Variants in KCNQ3 observed in about 807,000 individuals in gnomAD.
KCNQ3 encodes potassium voltage-gated channel subfamily KQT member 3.
A neutral mutation model predicts 92.5 loss-of-function variants in KCNQ3; 30 were observed. The observed-to-expected ratio is 0.32, with a 90% CI of 0.24 to 0.44. The LOEUF (loss-of-function observed/expected upper bound fraction) is 0.44. KCNQ3 is among the 20% of genes least tolerant of loss of function. The pLI is 1.00. For synonymous variants in KCNQ3, 450 were observed against 468.8 expected (o/e 0.96, Z 0.52); for missense variants, 913 against 1,140.3 (o/e 0.80, Z 2.87).
At chr8:132,268,055 T>C (rs1414765099) in intron 1 of KCNQ3, among the ~76,000 whole-genome samples, 2 of 152,152 alleles carry the variant, frequency 1.3e-5, no homozygotes, top group Non-Finnish European at 2.9e-5. Flanking sequence ...AGAGTAGATA[T>C]ATTGATCTAA....
At chr8:132,284,877 T>A (rs1447952572) in intron 1 of KCNQ3, among the ~76,000 whole-genome samples, 1 of 152,356 alleles carries the variant, frequency 6.6e-6, no homozygotes, top group Non-Finnish European at 1.5e-5. Context: ...TTAATTCCCA[T>A]GAGGGTGAGC....
chr8:132,457,697 G>A (rs1164724584), intron 1 of KCNQ3, among the ~76,000 whole-genome samples: 2 of 152,144 alleles, frequency 1.3e-5, no homozygotes, highest in African/African-American at 4.8e-5. Context: ...TTCAGCCTGT[G>A]TACCAATCTG....
In KCNQ3 at chr8:132,356,784, T is replaced by G. The variant is rs138571140; in HGVS notation, c.386+123363A>C. 1.8e-3 allele frequency among the ~76,000 whole-genome samples: 277 copies of G among 152,286 alleles called. 1 individual carries two copies. The highest frequency in any genetic ancestry group is 6.4e-3 in the African/African-American group (264 of 41,574). ...ATAAATATTCATTGAGTTGATTTTG[T>G]TGAGTGATGGCCCAGGAATGGGATG... On this transcript the variant is annotated intron_variant, in intron 1 of 14. Transcript: ENST00000388996.
intron 1 of KCNQ3, among the ~76,000 whole-genome samples, chr8:132,338,254 G>C (rs1279318053): frequency 6.6e-6 from 1 of 152,194 alleles, no homozygotes; most frequent in Non-Finnish European, 1.5e-5. Context: ...TCACACATTA[G>C]TGTGTAAAGG....
At chr8:132,405,245 T>C (rs1031123504) in intron 1 of KCNQ3, among the ~76,000 whole-genome samples, 2 of 152,132 alleles carry the variant, frequency 1.3e-5, no homozygotes, top group Admixed American at 6.5e-5. Context: ...AGGTGACAGG[T>C]CCCACTATAA....
chr8:132,298,391 G>A (rs1170614238), intron 1 of KCNQ3, among the ~76,000 whole-genome samples: 1 of 152,164 alleles, frequency 6.6e-6, no homozygotes, highest in Non-Finnish European at 1.5e-5. Flanking sequence ...AGGTAGGGTG[G>A]GGGTCCTTAA....
At chr8:132,209,615 TTTATAA>T (rs1813789838) in intron 1 of KCNQ3, among the ~76,000 whole-genome samples, 1 of 152,134 alleles carries the variant, frequency 6.6e-6, no homozygotes. Flanking sequence ...ATTTTTTTAC[TTTATAA>T]TTATGTGAAA....
intron 1 of KCNQ3, among the ~76,000 whole-genome samples, chr8:132,411,820 C>T (rs1423349076): frequency 6.6e-6 from 1 of 152,150 alleles, no homozygotes; most frequent in African/African-American, 2.4e-5. Flanking sequence ...TGTGGGCTGC[C>T]GAGGTTTCTT....
chr8:132,259,786 T>C (rs1815714291), intron 1 of KCNQ3, among the ~76,000 whole-genome samples: 1 of 152,086 alleles, frequency 6.6e-6, no homozygotes, highest in Non-Finnish European at 1.5e-5. Context: ...TTAGAACTAA[T>C]AAAACAGTTT....
At chr8:132,439,398 CCT>C (rs950462072) in intron 1 of KCNQ3, among the ~76,000 whole-genome samples, 1 of 152,062 alleles carries the variant, frequency 6.6e-6, no homozygotes, top group African/African-American at 2.4e-5. Context: ...TGGCAAGCCC[CCT>C]GACTCCCCAG....
chr8:132,251,267 A>G (rs1192624987), intron 1 of KCNQ3, among the ~76,000 whole-genome samples: 2 of 152,006 alleles, frequency 1.3e-5, no homozygotes, highest in Non-Finnish European at 2.9e-5. Context: ...ACTCTGAAGA[A>G]AAAAAAAGGC....
rs114381136 is a variant in KCNQ3 at position 132,333,641 on chromosome 8, C to T, written c.386+146506G>A. On this transcript the variant is annotated intron_variant, in intron 1 of 14. Transcript: ENST00000388996. ...GTATATTTGGGGTGGTTGCATGATA[C>T]TACATATTCTCTTGTGTGCCTGGAT... Among the ~76,000 whole-genome samples the T allele has an allele frequency of 4.9e-3, 746 of 152,234 alleles. 5 individuals are homozygous for T. The highest frequency in any genetic ancestry group is 0.017 in the African/African-American group (724 of 41,522).
chr8:132,303,632 G>GGTGT (rs1393184444), intron 1 of KCNQ3, among the ~76,000 whole-genome samples: 2 of 27,818 alleles, frequency 7.2e-5, no homozygotes, highest in African/African-American at 5.6e-4. Context: ...ATATATATAT[G>GGTGT]GTGTATATAT....
At chr8:132,278,018 T>C (rs1004834120) in intron 1 of KCNQ3, 11 of 985,236 alleles carry the variant, frequency 1.1e-5, no homozygotes, top group Non-Finnish European at 1.3e-5. Flanking sequence ...TAGGCAGGAA[T>C]TCAAGGCTAC....
In KCNQ3 at chr8:132,129,620, A is replaced by T; in HGVS notation, c.2261T>A (p.Leu754His). ...GGAGTGGCAGCTCACTCGGGAGTCGAGAAGAGTCAAGATAGGCAGGACCGT... is the reference window on the plus strand; with the variant it reads ...GGAGTGGCAGCTCACTCGGGAGTCGTGAAGAGTCAAGATAGGCAGGACCGT... ...RPTVLPILTLLDSRVSCHSQA... is the reference protein window; with the variant it reads ...RPTVLPILTLHDSRVSCHSQA... The change falls in exon 15 of 15, where the codon CTC becomes CAC. Residue 754 changes from leucine (L) to histidine (H), a missense_variant. Physicochemically the swap from Leu to His is moderately conservative, Grantham distance 99. This residue lies in a region of KCNQ3 where 375 missense variants were observed against 376.4 expected (regional missense o/e 1.00). Coordinates refer to ENST00000388996, the MANE Select transcript of KCNQ3 (RefSeq NM_004519.4). The surrounding 1 kb of genome is among the most constrained non-coding windows in gnomAD (Gnocchi z 5.9). 6.2e-7 allele frequency: 1 copy of T among 1,614,108 alleles called. No individual in the cohort carries two copies. The highest frequency in any genetic ancestry group is 1.7e-5 in the Admixed American group (1 of 60,014).
In KCNQ3 at chr8:132,480,196, C is replaced by T. The variant is rs1299548932; in HGVS notation, c.337G>A (p.Asp113Asn). 20 of 1,613,258 alleles carry T rather than the reference C, an allele frequency of 1.2e-5. No homozygotes were observed. The highest frequency in any genetic ancestry group is 1.7e-5 in the Non-Finnish European group (20 of 1,179,470). Residue 113 changes from aspartate (D) to asparagine (N), a missense_variant, in exon 1 of 15, where the codon GAC (aspartate) becomes AAC (asparagine). This residue lies in a region of KCNQ3 where 183 missense variants were observed against 167.7 expected (regional missense o/e 1.09). Transcript: ENST00000388996. ...CAGCCCCGCGGTCTCTCCAGGGCGT[C>T]GTAGATCAAAGTTTGGATGCGCCGG... Reference protein sequence around the residue: ...KYRRIQTLIYDALERPRGWAL... With the variant: ...KYRRIQTLIYNALERPRGWAL...
At chr8:132,307,981 C>T (rs918054835) in intron 1 of KCNQ3, among the ~76,000 whole-genome samples, 1 of 152,170 alleles carries the variant, frequency 6.6e-6, no homozygotes, top group Non-Finnish European at 1.5e-5. Flanking sequence ...ATCCTCTGGT[C>T]CCCGGAGGAT....
chr8:132,337,582 G>A (rs1308581636), intron 1 of KCNQ3, among the ~76,000 whole-genome samples: 1 of 151,988 alleles, frequency 6.6e-6, no homozygotes. Context: ...AATGAAGAAG[G>A]GCTGGTACCA....
At chr8:132,278,485 C>T (rs536179106) in intron 1 of KCNQ3, among the ~76,000 whole-genome samples, 6 of 152,294 alleles carry the variant, frequency 3.9e-5, no homozygotes, top group African/African-American at 7.2e-5. Context: ...AACTTTCCCA[C>T]GACAGTTTAT....
Sources: gnomAD v4.1 joint callset for allele counts (sites outside exome capture counted in the v4.1 genomes callset) on GRCh38, gnomAD v4.1.1 for gene constraint, gnomAD v4.1.1 regional missense constraint, Gnocchi (gnomAD v3.1) non-coding constraint, MANE v1.5 for transcripts, NCBI Gene and HGNC (gene_info 2026-07-23, HGNC 2026-07-21) for gene names.